Variants in FUT8 observed in about 807,000 individuals in gnomAD.
FUT8 encodes fucosyltransferase 8, also known as alpha-(1,6)-fucosyltransferase.
In FUT8, 29 loss-of-function variants were observed where a neutral mutation model predicts 71.3. The ratio of observed to expected loss-of-function variants is 0.41; its 90% CI spans 0.30 to 0.55. The LOEUF is 0.55. Among genes scored for constraint, FUT8 ranks in the 20% least tolerant of loss-of-function variants. The pLI, the probability that FUT8 is intolerant of heterozygous loss-of-function variation, is 0.34. For missense variants in FUT8, 544 were observed against 702.1 expected, an observed-to-expected ratio of 0.77 and a Z score of 2.55; for synonymous variants, 254 against 239.3, an observed-to-expected ratio of 1.06 and a Z score of -0.57.
intron 6 of FUT8, among the ~76,000 whole-genome samples, chr14:65,667,109 A>G (rs538079864): frequency 6.6e-6 from 1 of 152,240 alleles, no homozygotes; most frequent in South Asian, 2.1e-4. Context: ...GAACCAGAAC[A>G]AGACAAGGAT....
At chr14:65,368,976 T>C in the FUT8 span, among the ~76,000 whole-genome samples, 21 of 152,240 alleles carry the variant, frequency 1.4e-4, no homozygotes, top group African/African-American at 5.1e-4. Context: ...TTACTTTTAA[T>C]GATATATTAT....
At chr14:65,673,450 G>A (rs1021942158) in intron 7 of FUT8, among the ~76,000 whole-genome samples, 5 of 152,194 alleles carry the variant, frequency 3.3e-5, no homozygotes, top group East Asian at 1.9e-4. Flanking sequence ...CTAATGTGGT[G>A]GTATGGTTAA....
At position 65,743,347 on chromosome 14, in the gene FUT8, A is replaced by G. The variant is rs936124225; in HGVS notation, c.*937A>G. ...AAACCAATTTTCATTGGTACACATTACAAAATTGCTAAGAACACTGTTTGG... is the reference window on the plus strand; with the variant it reads ...AAACCAATTTTCATTGGTACACATTGCAAAATTGCTAAGAACACTGTTTGG... On this transcript the variant is annotated 3_prime_UTR_variant, in exon 11 of 11. Transcript: ENST00000673929. The G allele has an allele frequency of 1.3e-5, 2 of 151,884 alleles. No homozygotes were observed. Among genetic ancestry groups the G allele is most frequent in the African/African-American group, 2.4e-5 (1 of 41,374 alleles). 9.4% of individuals were successfully genotyped at this position (151,884 alleles called of 1,614,324 possible). A position where few individuals can be genotyped will look rare whatever the true frequency, so the allele number is the denominator to read the frequency against.
intron 7 of FUT8, among the ~76,000 whole-genome samples, chr14:65,699,910 A>G (rs73268589): frequency 4.3e-4 from 65 of 152,294 alleles, no homozygotes; most frequent in African/African-American, 1.5e-3. Context: ...TGAATTATAT[A>G]TTCTAGTCTA....
chr14:65,448,407 A>G (rs569408053), intron 1 of FUT8, among the ~76,000 whole-genome samples: 93 of 152,334 alleles, frequency 6.1e-4, no homozygotes, highest in African/African-American at 2.1e-3. Flanking sequence ...GCATATTGCT[A>G]CTTTCCAGCT....
intron 2 of FUT8, among the ~76,000 whole-genome samples, chr14:65,511,498 C>G (rs905917753): frequency 6.6e-6 from 1 of 152,152 alleles, no homozygotes; most frequent in Non-Finnish European, 1.5e-5. Flanking sequence ...ATGTTGAAAT[C>G]TCCAGCTATT....
At chr14:65,731,419 C>G (rs535232849) in intron 9 of FUT8, among the ~76,000 whole-genome samples, 2 of 152,252 alleles carry the variant, frequency 1.3e-5, no homozygotes, top group Admixed American at 1.3e-4. Flanking sequence ...TTCCCAGTAT[C>G]TGAAACCTCA....
the FUT8 span, among the ~76,000 whole-genome samples, chr14:65,384,778 C>A: frequency 6.6e-6 from 1 of 152,124 alleles, no homozygotes; most frequent in Non-Finnish European, 1.5e-5. This position sits in a 1 kb window ranked among gnomAD's most constrained non-coding sequence, Gnocchi z 4.2. Flanking sequence ...TACTTGTAAA[C>A]CATTGTCCTC....
intron 3 of FUT8, among the ~76,000 whole-genome samples, chr14:65,568,030 G>A (rs1314107841): frequency 6.6e-6 from 1 of 151,648 alleles, no homozygotes; most frequent in Non-Finnish European, 1.5e-5. Flanking sequence ...GTCTTTTTGT[G>A]GGGAAGGGTG....
intron 2 of FUT8, among the ~76,000 whole-genome samples, chr14:65,541,475 A>G (rs1884675732): frequency 6.6e-6 from 1 of 152,210 alleles, no homozygotes; most frequent in African/African-American, 2.4e-5. Flanking sequence ...CTGCTGCTGG[A>G]TAAGTCTTGG....
intron 7 of FUT8, among the ~76,000 whole-genome samples, chr14:65,717,371 G>GAA (rs1771681231): frequency 7.0e-6 from 1 of 143,792 alleles, no homozygotes; most frequent in Non-Finnish European, 1.5e-5. Flanking sequence ...CTTCCCAGAC[G>GAA]GGGCGGCCAG....
chr14:65,379,564 T>C, the FUT8 span, among the ~76,000 whole-genome samples: 1 of 152,000 alleles, frequency 6.6e-6, no homozygotes, highest in Non-Finnish European at 1.5e-5. Context: ...TGAGTACTAA[T>C]TACTTTATGT....
intron 6 of FUT8, among the ~76,000 whole-genome samples, chr14:65,668,398 C>A (rs1229087019): frequency 6.6e-6 from 1 of 151,662 alleles, no homozygotes; most frequent in Non-Finnish European, 1.5e-5. Flanking sequence ...TTTCAAAAGA[C>A]AGACTCTTTT....
intron 3 of FUT8, among the ~76,000 whole-genome samples, chr14:65,608,336 A>T (rs1050657457): frequency 3.3e-5 from 5 of 151,512 alleles, no homozygotes; most frequent in East Asian, 3.9e-4. Flanking sequence ...ATTCTTTCCA[A>T]TGTTCATGGC....
chr14:65,412,537 C>T (rs1293069046), upstream of FUT8: 3 of 357,718 alleles, frequency 8.4e-6, no homozygotes, highest in Non-Finnish European at 1.7e-5. Context: ...CGCTGCCCTG[C>T]TGGAACTGTG....
the FUT8 span, among the ~76,000 whole-genome samples, chr14:65,392,111 T>C: frequency 6.6e-6 from 1 of 151,870 alleles, no homozygotes; most frequent in Admixed American, 6.6e-5. Flanking sequence ...TTTGTATTTT[T>C]AGCAGAGTTG....
chr14:65,695,987 C>T (rs1050780367), intron 7 of FUT8, among the ~76,000 whole-genome samples: 8 of 152,008 alleles, frequency 5.3e-5, no homozygotes, highest in Non-Finnish European at 1.0e-4. Flanking sequence ...CTTTATATAT[C>T]CCTTCATGGG....
rs184575831 is a variant in FUT8, at chr14:65,473,418, T to C, written c.-228+17700T>C. Among the ~76,000 whole-genome samples the C allele has an allele frequency of 1.4e-4, 21 of 152,262 alleles. No homozygotes were observed. In the East Asian group the frequency reaches 4.0e-3, roughly 29 times the overall value. On this transcript the variant is annotated intron_variant, in intron 2 of 10. Transcript: ENST00000673929. ...ACAGGACTAATTAAGTTTTATTGGA[T>C]CTTGAAAAACGGGATTAGAAATTTT... is the stretch of plus-strand genomic sequence containing the variant.
At chr14:65,740,328 TGG>T (rs10552075) in intron 10 of FUT8, among the ~76,000 whole-genome samples, 125,685 of 151,628 alleles carry the variant, frequency 0.83, 52,353 homozygotes, top group East Asian at 1. Context: ...TTAAAAATAT[TGG>T]GGCAAATGTA....
Sources: allele counts gnomAD v4.1 joint callset (sites outside exome capture counted in the v4.1 genomes callset), GRCh38; gene constraint gnomAD v4.1.1; non-coding constraint Gnocchi (gnomAD v3.1); transcripts MANE v1.5; gene names NCBI Gene and HGNC (gene_info 2026-07-23, HGNC 2026-07-21).